The following CIMIP1 variants were observed in gnomAD, a reference collection of about 807,000 sequenced individuals.
The protein encoded by CIMIP1 is low in lung cancer 1.
At chr20:58,155,675 G>A in the CIMIP1 span, 37 of 902,450 alleles carry the variant, frequency 4.1e-5, no homozygotes, top group Non-Finnish European at 5.4e-5. Context: ...AGCCAGCACT[G>A]AAGGTAAGAG....
the CIMIP1 span, chr20:58,153,601 G>T: frequency 7.1e-5 from 115 of 1,613,770 alleles, 1 homozygote; most frequent in South Asian, 1.1e-3. Flanking sequence ...AGAACTGGGG[G>T]TTTTTAACAA....
the CIMIP1 span, among the ~76,000 whole-genome samples, chr20:58,159,516 A>G: frequency 1.3e-4 from 1 of 7,510 alleles, no homozygotes; most frequent in South Asian, 0.045. Flanking sequence ...CTCCGTCTAA[A>G]AAAAGGAAAA....
chr20:58,158,105 G>A, the CIMIP1 span, among the ~76,000 whole-genome samples: 6 of 152,144 alleles, frequency 3.9e-5, no homozygotes, highest in East Asian at 1.9e-4. Flanking sequence ...CAAAGAAAGC[G>A]CCCCCACCTA....
chr20:58,160,708 C>CT, the CIMIP1 span: 1 of 1,614,144 alleles, frequency 6.2e-7, no homozygotes, highest in South Asian at 1.1e-5. Context: ...GCTTCATCGG[C>CT]TGGAGATCTG....
chr20:58,151,715 A>AT, the CIMIP1 span, among the ~76,000 whole-genome samples: 2 of 151,672 alleles, frequency 1.3e-5, no homozygotes, highest in Non-Finnish European at 2.9e-5. Context: ...GCCTGGCCAA[A>AT]TTTTTTTTTA....
chr20:58,154,000 C>T, the CIMIP1 span, among the ~76,000 whole-genome samples: 1 of 152,362 alleles, frequency 6.6e-6, no homozygotes, highest in Non-Finnish European at 1.5e-5. Context: ...TGACCTCAGA[C>T]TTCCCATCTG....
At chr20:58,151,874 G>A in the CIMIP1 span, among the ~76,000 whole-genome samples, 5 of 152,054 alleles carry the variant, frequency 3.3e-5, no homozygotes. Context: ...CATTTGTCGT[G>A]GATATTTTAA....
At chr20:58,155,518 T>G in the CIMIP1 span, 4 of 1,614,198 alleles carry the variant, frequency 2.5e-6, no homozygotes, top group Non-Finnish European at 3.4e-6. Flanking sequence ...AAATCGAGCT[T>G]CCTGAGCGTT....
the CIMIP1 span, among the ~76,000 whole-genome samples, chr20:58,154,215 A>G: frequency 6.6e-6 from 1 of 152,236 alleles, no homozygotes; most frequent in Non-Finnish European, 1.5e-5. Context: ...AGGGCCAAGC[A>G]TAATTAATCA....
the CIMIP1 span, chr20:58,160,763 A>G: frequency 1.2e-6 from 2 of 1,614,138 alleles, no homozygotes; most frequent in East Asian, 2.2e-5. Flanking sequence ...CGATGCGATC[A>G]GAAGCTGCAA....
chr20:58,158,239 T>G, the CIMIP1 span, among the ~76,000 whole-genome samples: 1 of 152,280 alleles, frequency 6.6e-6, no homozygotes, highest in Non-Finnish European at 1.5e-5. Flanking sequence ...GGCCAGCTCT[T>G]AAAGCCACAC....
At chr20:58,153,753 A>G in the CIMIP1 span, 1 of 705,548 alleles carries the variant, frequency 1.4e-6, no homozygotes, top group East Asian at 2.9e-5. Context: ...ACTAACTCCT[A>G]AACCAGAAGG....
chr20:58,159,929 G>T, the CIMIP1 span, among the ~76,000 whole-genome samples: 1 of 152,186 alleles, frequency 6.6e-6, no homozygotes, highest in African/African-American at 2.4e-5. Flanking sequence ...CGCCTCACCG[G>T]CAGGTTCCAT....
At chr20:58,159,340 A>AC in the CIMIP1 span, among the ~76,000 whole-genome samples, 1 of 151,690 alleles carries the variant, frequency 6.6e-6, no homozygotes, top group African/African-American at 2.4e-5. Flanking sequence ...ACATGGTGAA[A>AC]CCCTGTCTCT....
the CIMIP1 span, chr20:58,160,680 T>C: frequency 7.4e-6 from 12 of 1,613,968 alleles, no homozygotes; most frequent in East Asian, 2.7e-4. Flanking sequence ...TCCCCCCCAG[T>C]CCCACAGACC....
chr20:58,152,495 C>T, the CIMIP1 span, among the ~76,000 whole-genome samples: 1 of 151,808 alleles, frequency 6.6e-6, no homozygotes, highest in Non-Finnish European at 1.5e-5. Flanking sequence ...AATCCCAGCA[C>T]TTTGGGAGGC....
chr20:58,159,841 A>C, the CIMIP1 span, among the ~76,000 whole-genome samples: 1 of 152,188 alleles, frequency 6.6e-6, no homozygotes, highest in African/African-American at 2.4e-5. Context: ...TAATTTTAGG[A>C]GTTCATCAAG....
chr20:58,156,202 C>T, the CIMIP1 span, among the ~76,000 whole-genome samples: 94 of 152,250 alleles, frequency 6.2e-4, no homozygotes, highest in African/African-American at 2.1e-3. Flanking sequence ...AAATCAACAC[C>T]ATTTGGATAC....
the CIMIP1 span, chr20:58,151,057 G>A: frequency 4.4e-6 from 7 of 1,580,198 alleles, 1 homozygote; most frequent in East Asian, 6.9e-5. Flanking sequence ...CGGGCAACGC[G>A]GTGGGCTCCT....
Sources: gnomAD v4.1 joint callset for allele counts (sites outside exome capture counted in the v4.1 genomes callset) on GRCh38, gnomAD v4.1.1 for gene constraint, MANE v1.5 for transcripts, NCBI Gene and HGNC (gene_info 2026-07-23, HGNC 2026-07-21) for gene names.